Variants in BMP7 observed in about 807,000 individuals in gnomAD.
BMP7 encodes osteogenic protein 1.
A neutral mutation model predicts 41.2 loss-of-function variants in BMP7; 12 were observed. The observed-to-expected ratio is 0.29, with a 90% CI of 0.19 to 0.47. The LOEUF (loss-of-function observed/expected upper bound fraction) is 0.47, where lower values mean the gene tolerates loss of function less well. Among genes scored for constraint, BMP7 ranks in the 20% least tolerant of loss-of-function variants. BMP7 has a pLI of 0.99. For missense variants in BMP7, 467 were observed against 606.0 expected, an observed-to-expected ratio of 0.77 and a Z score of 2.41; for synonymous variants, 248 against 250.0, an observed-to-expected ratio of 0.99 and a Z score of 0.07.
chr20:57,258,881 A>G (rs1349817098), intron 1 of BMP7, among the ~76,000 whole-genome samples: 2 of 152,228 alleles, frequency 1.3e-5, no homozygotes, highest in African/African-American at 4.8e-5. Flanking sequence ...GTAAATCTTC[A>G]TCTGGCCAAC....
At chr20:57,185,619 G>A (rs1329888825) in intron 3 of BMP7, among the ~76,000 whole-genome samples, 1 of 152,252 alleles carries the variant, frequency 6.6e-6, no homozygotes, top group Non-Finnish European at 1.5e-5. Context: ...AAGGTGTCAG[G>A]TGGGCAGCAG....
intron 2 of BMP7, among the ~76,000 whole-genome samples, chr20:57,220,403 T>C (rs1369092315): frequency 2.0e-5 from 3 of 152,222 alleles, no homozygotes; most frequent in Non-Finnish European, 2.9e-5. Context: ...TTGAAAAATA[T>C]TAATTCTCTT....
chr20:57,195,624 GC>G (rs1317614128), intron 3 of BMP7, among the ~76,000 whole-genome samples: 2 of 152,268 alleles, frequency 1.3e-5, no homozygotes, highest in Admixed American at 6.5e-5. Flanking sequence ...ACCAGCCTTG[GC>G]TTTGTGGGGC....
chr20:57,230,786 C>G (rs1406110230), intron 1 of BMP7, among the ~76,000 whole-genome samples: 1 of 151,632 alleles, frequency 6.6e-6, no homozygotes, highest in Non-Finnish European at 1.5e-5. Flanking sequence ...ACACCATTCT[C>G]CTGCCTCAGC....
At chr20:57,264,476 G>C (rs767770097) in intron 1 of BMP7, among the ~76,000 whole-genome samples, 7 of 152,222 alleles carry the variant, frequency 4.6e-5, no homozygotes, top group Admixed American at 1.3e-4. Context: ...GGCGCTGCCG[G>C]GGGGTTAGTT....
Position 57,266,113 on chromosome 20 carries a change from G to A in BMP7, c.10C>T (p.Arg4Cys), listed in dbSNP as rs1470883408. ...TGCGGCGCCGCAGCTCGCAGTGAGC[G>A]CACGTGCATCGCGCCGGCTCTACGC... MHVRSLRAAAPHSF... is the reference protein window; with the variant it reads MHVCSLRAAAPHSF... Residue 4 changes from arginine (R) to cysteine (C), a missense_variant, in exon 1 of 7, where the codon CGC becomes TGC. Around this residue, in one of 2 missense-constraint regions of BMP7, gnomAD observed 407 missense variants for 485.9 expected, o/e 0.84. Transcript: ENST00000395863. 3 of 1,532,698 alleles carry A rather than the reference G, an allele frequency of 2.0e-6. No individual in the cohort carries two copies. Among genetic ancestry groups the A allele is most frequent in the African/African-American group, 1.4e-5 (1 of 72,900 alleles). 94.9% of individuals were successfully genotyped at this position (1,532,698 alleles called of 1,614,324 possible).
At chr20:57,198,823 G>A (rs780894005) in intron 3 of BMP7, among the ~76,000 whole-genome samples, 1 of 152,118 alleles carries the variant, frequency 6.6e-6, no homozygotes, top group Non-Finnish European at 1.5e-5. Context: ...CGATGGCTGC[G>A]CCCCGCTAGA....
intron 3 of BMP7, among the ~76,000 whole-genome samples, chr20:57,200,856 C>T (rs566979487): frequency 5.9e-5 from 9 of 151,894 alleles, no homozygotes; most frequent in South Asian, 2.1e-4. Context: ...TACACTCAAA[C>T]GAAAAACGAC....
At chr20:57,191,785 A>G in intron 3 of BMP7, among the ~76,000 whole-genome samples, 1 of 143,546 alleles carries the variant, frequency 7.0e-6, no homozygotes, top group Middle Eastern at 3.6e-3. Context: ...TATACTATAT[A>G]TTATATATTT....
chr20:57,220,630 C>G (rs1265911141), intron 2 of BMP7, among the ~76,000 whole-genome samples: 1 of 152,196 alleles, frequency 6.6e-6, no homozygotes, highest in African/African-American at 2.4e-5. Context: ...CCCCAGGCTG[C>G]CGCACACACG....
At chr20:57,199,448 T>A (rs1370001052) in intron 3 of BMP7, among the ~76,000 whole-genome samples, 1 of 152,078 alleles carries the variant, frequency 6.6e-6, no homozygotes, top group East Asian at 1.9e-4. Flanking sequence ...AGCACTAGAA[T>A]CTCAGACTTT....
At chr20:57,251,528 TC>T (rs1329016864) in intron 1 of BMP7, among the ~76,000 whole-genome samples, 1 of 152,150 alleles carries the variant, frequency 6.6e-6, no homozygotes, top group East Asian at 1.9e-4. Flanking sequence ...CGAGGGGACA[TC>T]CTTTAACCTA....
intron 6 of BMP7, 63 bp downstream of exon 6, chr20:57,173,137 A>G: frequency 2.0e-6 from 3 of 1,514,322 alleles, no homozygotes; most frequent in Non-Finnish European, 2.7e-6. Context: ...AGGCAGCAGG[A>G]TCTGGTGGCC....
chr20:57,243,152 A>C (rs2066076484), intron 1 of BMP7, among the ~76,000 whole-genome samples: 1 of 152,126 alleles, frequency 6.6e-6, no homozygotes, highest in Admixed American at 6.5e-5. Context: ...ACTGCAAATG[A>C]GGGTCCCCGA....
chr20:57,257,088 G>A (rs2066136992), intron 1 of BMP7, among the ~76,000 whole-genome samples: 1 of 151,978 alleles, frequency 6.6e-6, no homozygotes, highest in African/African-American at 2.4e-5. Context: ...CCTCTCCCAG[G>A]GACTCTGCTG....
intron 2 of BMP7, among the ~76,000 whole-genome samples, chr20:57,222,102 C>T (rs542729970): frequency 2.0e-5 from 3 of 152,146 alleles, no homozygotes; most frequent in South Asian, 2.1e-4. Flanking sequence ...TGGGGACACC[C>T]GCTCGGCTTC....
At chr20:57,208,032 TG>T (rs2095711750) in intron 2 of BMP7, among the ~76,000 whole-genome samples, 1 of 151,840 alleles carries the variant, frequency 6.6e-6, no homozygotes, top group South Asian at 2.1e-4. Flanking sequence ...GGTTTCACCT[TG>T]TTAGCCAGGA....
intron 3 of BMP7, among the ~76,000 whole-genome samples, chr20:57,187,643 A>G (rs1377452193): frequency 6.6e-6 from 1 of 152,072 alleles, no homozygotes; most frequent in African/African-American, 2.4e-5. Flanking sequence ...TCTGGCAACC[A>G]CAGGTGACCA....
At chr20:57,180,046 C>T (rs1214430818) in intron 4 of BMP7, among the ~76,000 whole-genome samples, 1 of 152,076 alleles carries the variant, frequency 6.6e-6, no homozygotes, top group Non-Finnish European at 1.5e-5. Flanking sequence ...AAGTCTCTGC[C>T]GGGATGCAGT....
Sources: gnomAD v4.1 joint callset for allele counts (sites outside exome capture counted in the v4.1 genomes callset) on GRCh38, gnomAD v4.1.1 for gene constraint, gnomAD v4.1.1 regional missense constraint, MANE v1.5 for transcripts, NCBI Gene and HGNC (gene_info 2026-07-23, HGNC 2026-07-21) for gene names.